VAV3: variants seen among roughly 807,000 people sequenced by gnomAD.
VAV3 encodes vav guanine nucleotide exchange factor 3.
A neutral mutation model predicts 131.2 loss-of-function variants in VAV3; 94 were observed. The ratio of observed to expected loss-of-function variants is 0.72; its 90% CI spans 0.61 to 0.85. The LOEUF (loss-of-function observed/expected upper bound fraction) is 0.85. Ranked by LOEUF, VAV3 falls within the 40% of genes least tolerant of loss-of-function variation. The probability of loss-of-function intolerance (pLI) is 0.00; values close to 1 mark genes in which losing one functional copy is unlikely to be tolerated. For missense variants in VAV3, 939 were observed against 1,002.7 expected (o/e 0.94, Z 0.86); for synonymous variants, 349 against 342.0 (o/e 1.02, Z -0.22).
intron 2 of VAV3, among the ~76,000 whole-genome samples, chr1:107,832,717 A>G (rs1198188981): frequency 6.6e-6 from 1 of 152,204 alleles, no homozygotes. Context: ...TATGTTTTCC[A>G]AAGTGTTGAT....
intron 15 of VAV3, among the ~76,000 whole-genome samples, chr1:107,742,799 T>C (rs1663102731): frequency 6.6e-6 from 1 of 152,160 alleles, no homozygotes. Context: ...AGAGGGATTG[T>C]TGGATGAAGA....
intron 24 of VAV3, 102 bp from the exon 25 acceptor site, chr1:107,596,443 G>C (rs1240567514): frequency 1.5e-6 from 2 of 1,320,324 alleles, no homozygotes; most frequent in African/African-American, 1.5e-5. Flanking sequence ...CCAATTTAAT[G>C]CTAAATTTTC....
intron 19 of VAV3, among the ~76,000 whole-genome samples, chr1:107,653,984 C>T (rs1168540482): frequency 6.6e-6 from 1 of 152,076 alleles, no homozygotes; most frequent in Non-Finnish European, 1.5e-5. Context: ...CACGAAAACA[C>T]TACATGCTAG....
In VAV3 at chr1:107,573,216, T is replaced by A. The variant is rs112107766; in HGVS notation, c.*115A>T. ...AGGAGGGGCTAAGGAGGGAGGATGT[T>A]GAACAGCCAGAAATGCAGCTTTTTA... On this transcript the variant is annotated 3_prime_UTR_variant, in exon 27 of 27. Coordinates refer to ENST00000370056, the MANE Select transcript of VAV3 (RefSeq NM_006113.5). The A allele has an allele frequency of 8.3e-7, 1 of 1,207,728 alleles. No individual in the cohort carries two copies. Among genetic ancestry groups the A allele is most frequent in the Non-Finnish European group, 1.2e-6 (1 of 852,806 alleles). 74.8% of individuals were successfully genotyped at this position (1,207,728 alleles called of 1,614,324 possible).
At chr1:107,814,528 T>C (rs1667482898) in intron 2 of VAV3, among the ~76,000 whole-genome samples, 1 of 152,212 alleles carries the variant, frequency 6.6e-6, no homozygotes, top group South Asian at 2.1e-4. Flanking sequence ...TTCTGGATAT[T>C]AGTCCCTTGT....
intron 2 of VAV3, among the ~76,000 whole-genome samples, chr1:107,856,307 A>G (rs1669465057): frequency 6.6e-6 from 1 of 152,152 alleles, no homozygotes. Flanking sequence ...GTTCCTGAAA[A>G]CTGCTTACAT....
Position 107,760,704 on chromosome 1 carries a change from T to C in VAV3, c.1017+80A>G, listed in dbSNP as rs1664361083. On this transcript the variant is annotated intron_variant, in intron 10 of 26. Transcript: ENST00000370056. ...GGGATTGGGCCCAACACATGGAATA[T>C]CTGCAATGTAGTTGATGCTTCATTA... 1.7e-5 allele frequency: 18 copies of C among 1,087,104 alleles called. No individual in the cohort carries two copies. The South Asian group carries it at 2.7e-4, about 16-fold the overall frequency. 67.3% of individuals were successfully genotyped at this position (1,087,104 alleles called of 1,614,324 possible).
rs565598783 is a variant in VAV3, at chr1:107,821,579, G to C, written c.322-42087C>G. Among the ~76,000 whole-genome samples, 35 of 152,314 alleles carry C rather than the reference G, an allele frequency of 2.3e-4. No homozygotes were observed. In the South Asian group the frequency reaches 7.0e-3, roughly 31 times the overall value. ...ACTCAGAGGTGGGAGAAAGTGTGTG[G>C]CGTGTTCTAGGAGCTGGTAGACAGC... On this transcript the variant is annotated intron_variant, in intron 2 of 26. Transcript: ENST00000370056.
intron 1 of VAV3, among the ~76,000 whole-genome samples, chr1:107,931,830 A>G (rs745473177): frequency 5.9e-5 from 9 of 152,346 alleles, no homozygotes; most frequent in Non-Finnish European, 1.0e-4. Context: ...TTGGGGGTTT[A>G]GCAAAGGGAC....
chr1:107,772,215 C>T (rs1665089190), intron 5 of VAV3, among the ~76,000 whole-genome samples: 1 of 152,090 alleles, frequency 6.6e-6, no homozygotes, highest in Non-Finnish European at 1.5e-5. Flanking sequence ...GTTTTGAGGG[C>T]TCATATTGGC....
intron 2 of VAV3, among the ~76,000 whole-genome samples, chr1:107,813,156 T>C (rs10494078): frequency 0.67 from 101,659 of 150,900 alleles, 34,724 homozygotes; most frequent in Non-Finnish European, 0.72. Context: ...TTAGAAAATG[T>C]CACTAAATAA....
At chr1:107,936,716 A>T (rs1673726888) in intron 1 of VAV3, among the ~76,000 whole-genome samples, 2 of 152,160 alleles carry the variant, frequency 1.3e-5, no homozygotes, top group African/African-American at 4.8e-5. Flanking sequence ...TGCATGACAA[A>T]ATGCCAAGGG....
At chr1:107,698,853 A>T (rs2494060) in intron 17 of VAV3, among the ~76,000 whole-genome samples, 1 of 152,126 alleles carries the variant, frequency 6.6e-6, no homozygotes, top group Admixed American at 6.5e-5. Context: ...GAGCAGGGAA[A>T]ACTGCCTTAT....
intron 22 of VAV3, among the ~76,000 whole-genome samples, chr1:107,606,053 C>T (rs771587498): frequency 3.9e-5 from 6 of 152,170 alleles, no homozygotes; most frequent in Non-Finnish European, 5.9e-5. Context: ...TCTCTTTGCT[C>T]CCCTTTCCTG....
rs372824264 is a variant in VAV3, at chr1:107,865,180, C to T, written c.321+9721G>A. Among the ~76,000 whole-genome samples, 20 of 152,248 alleles carry T rather than the reference C, an allele frequency of 1.3e-4. No individual in the cohort carries two copies. In the East Asian group the frequency reaches 2.3e-3, roughly 18 times the overall value. On this transcript the variant is annotated intron_variant, in intron 2 of 26. Coordinates refer to ENST00000370056, the MANE Select transcript of VAV3 (RefSeq NM_006113.5). The stretch of plus-strand genomic sequence containing the variant: ...GGTGAAAGTCAGTTTTACTTGATCT[C>T]AAAGTCTCAGGATGAGCTGAAGAAA...
At chr1:107,863,025 T>C (rs1428118181) in intron 2 of VAV3, among the ~76,000 whole-genome samples, 1 of 151,794 alleles carries the variant, frequency 6.6e-6, no homozygotes, top group Non-Finnish European at 1.5e-5. Context: ...ATAGCAAAAA[T>C]CATAGAAAAA....
rs1651988690 is a variant in VAV3, at chr1:107,603,052, G to A, written c.2127C>T (p.Ser709=). ...AAAGTACTTGTCCTACTTACTTAAT[G>A]CTAATTGCATATTCTCCTGACTCTT... ...RTKESGEYAI[S]IKYNNEAKHI... is the part of the protein sequence containing the mutation. The change falls in exon 23 of 27, where the codon AGC becomes AGT. Residue 709 remains serine (S), a synonymous_variant. Transcript: ENST00000370056. 1 of 1,608,968 alleles carries A rather than the reference G, an allele frequency of 6.2e-7. No individual in the cohort carries two copies. The highest frequency in any genetic ancestry group is 8.5e-7 in the Non-Finnish European group (1 of 1,175,870).
chr1:107,844,209 G>A (rs959774157), intron 2 of VAV3, among the ~76,000 whole-genome samples: 5 of 151,952 alleles, frequency 3.3e-5, no homozygotes, highest in Admixed American at 1.3e-4. Flanking sequence ...CCCAGGAAGT[G>A]CAAGAGGTCA....
At chr1:107,943,990 T>C (rs1442425505) in intron 1 of VAV3, among the ~76,000 whole-genome samples, 1 of 152,236 alleles carries the variant, frequency 6.6e-6, no homozygotes, top group Non-Finnish European at 1.5e-5. Context: ...TGCTAAGGCC[T>C]AAACACCCAT....
Sources: gnomAD v4.1 joint callset for allele counts (sites outside exome capture counted in the v4.1 genomes callset) on GRCh38, gnomAD v4.1.1 for gene constraint, MANE v1.5 for transcripts, NCBI Gene and HGNC (gene_info 2026-07-23, HGNC 2026-07-21) for gene names.